CTNNA3: variants seen among roughly 807,000 people sequenced by gnomAD.
CTNNA3 encodes catenin alpha 3, also known as catenin alpha-3.
CTNNA3 carries 76 observed loss-of-function variants against 95.7 expected under a neutral mutation model. The ratio of observed to expected loss-of-function variants is 0.79; its 90% CI spans 0.66 to 0.96. The LOEUF (loss-of-function observed/expected upper bound fraction) is 0.96, where lower values mean the gene tolerates loss of function less well. Ranked by LOEUF, CTNNA3 falls within the 40% of genes least tolerant of loss-of-function variation. The pLI is 0.00. For synonymous variants in CTNNA3, 431 were observed against 374.4 expected, an observed-to-expected ratio of 1.15 and a Z score of -1.74; for missense variants, 1,191 against 1,089.8, an observed-to-expected ratio of 1.09 and a Z score of -1.31.
At chr10:66,797,798 T>A (rs1182456414) in intron 7 of CTNNA3, among the ~76,000 whole-genome samples, 2 of 151,888 alleles carry the variant, frequency 1.3e-5, no homozygotes, top group Admixed American at 6.6e-5. Context: ...CTCAGTCAAT[T>A]TTTTTTTCAG....
In CTNNA3 at chr10:66,226,387, C is replaced by T. The variant is rs537545743; in HGVS notation, c.1884+54083G>A. On this transcript the variant is annotated intron_variant, in intron 13 of 17. Coordinates refer to ENST00000433211, the MANE Select transcript of CTNNA3 (RefSeq NM_013266.4). ...ACATACGTGGATTTATTTCTGGGTT[C>T]TCTATTCTGTTCCATTTGTCTATGT... Among the ~76,000 whole-genome samples the T allele has an allele frequency of 1.2e-4, 19 of 152,150 alleles. 1 individual carries two copies. In the East Asian group the frequency reaches 3.1e-3, roughly 25 times the overall value.
chr10:66,111,679 GT>G (rs1367623298), intron 13 of CTNNA3, among the ~76,000 whole-genome samples: 1 of 152,160 alleles, frequency 6.6e-6, no homozygotes, highest in East Asian at 1.9e-4. Context: ...CTGAAGTTGA[GT>G]GGTTAGAGAT....
intron 5 of CTNNA3, among the ~76,000 whole-genome samples, chr10:67,329,156 G>C (rs1371152927): frequency 1.3e-5 from 2 of 152,180 alleles, no homozygotes; most frequent in Non-Finnish European, 2.9e-5. Context: ...TGGACCGCTT[G>C]AGCTCAGGAG....
At chr10:66,901,041 C>T (rs1845721541) in intron 7 of CTNNA3, among the ~76,000 whole-genome samples, 1 of 152,156 alleles carries the variant, frequency 6.6e-6, no homozygotes, top group Admixed American at 6.5e-5. Context: ...CACAAAGATA[C>T]TCCTCGAGAA....
chr10:66,303,748 C>G (rs1423561448), intron 12 of CTNNA3, among the ~76,000 whole-genome samples: 1 of 152,070 alleles, frequency 6.6e-6, no homozygotes, highest in East Asian at 1.9e-4. Context: ...GATTTGCCAC[C>G]ACGCCTGGCT....
rs1367250081 is a variant in CTNNA3 at position 67,151,170 on chromosome 10, A to C, written c.1047+29147T>G. Among the ~76,000 whole-genome samples the C allele has an allele frequency of 2.0e-5, 3 of 152,326 alleles. No homozygotes were observed. The East Asian group carries it at 5.8e-4, about 29-fold the overall frequency. On this transcript the variant is annotated intron_variant, in intron 7 of 17. Coordinates refer to ENST00000433211, the MANE Select transcript of CTNNA3 (RefSeq NM_013266.4). ...TTGTTTTTCTTATAAGGTGAGAAGA[A>C]AGGCCTTCCTTTGGCTATCTCCCTC...
intron 5 of CTNNA3, among the ~76,000 whole-genome samples, chr10:67,301,287 A>G (rs1271773107): frequency 2.0e-5 from 3 of 152,100 alleles, no homozygotes; most frequent in Non-Finnish European, 2.9e-5. Flanking sequence ...TACAATTATT[A>G]AAAACCACAA....
At chr10:67,118,186 C>T (rs1350721214) in intron 7 of CTNNA3, among the ~76,000 whole-genome samples, 1 of 151,990 alleles carries the variant, frequency 6.6e-6, no homozygotes, top group Non-Finnish European at 1.5e-5. Flanking sequence ...AAAGAATTAT[C>T]TAAATCAATA....
At chr10:67,056,522 TA>T in intron 7 of CTNNA3, among the ~76,000 whole-genome samples, 1 of 152,318 alleles carries the variant, frequency 6.6e-6, no homozygotes, top group Non-Finnish European at 1.5e-5. Context: ...TCTGTATCTG[TA>T]AACACTGTAC....
Position 66,522,957 on chromosome 10 carries a change from T to C in CTNNA3, c.1375-2184A>G, listed in dbSNP as rs1451317664. On this transcript the variant is annotated intron_variant, in intron 10 of 17. Transcript: ENST00000433211. ...CTTAAGTCACTTCCTGTCACCACAT[T>C]ATTGGAGGTAGAAGACGGAAAAAAT... is the stretch of plus-strand genomic sequence containing the variant. Among the ~76,000 whole-genome samples the C allele has an allele frequency of 2.0e-5, 3 of 152,194 alleles. No homozygotes were observed. The East Asian group carries it at 5.8e-4, about 29-fold the overall frequency.
At chr10:66,490,263 C>G (rs868515351) in intron 11 of CTNNA3, among the ~76,000 whole-genome samples, 13 of 152,028 alleles carry the variant, frequency 8.6e-5, no homozygotes, top group Admixed American at 5.9e-4. Context: ...AATATTTTTT[C>G]ATAATATTTT....
intron 5 of CTNNA3, among the ~76,000 whole-genome samples, chr10:67,362,822 T>C (rs1843039202): frequency 6.6e-6 from 1 of 151,826 alleles, no homozygotes; most frequent in Non-Finnish European, 1.5e-5. Flanking sequence ...AAACTCTCTC[T>C]CTTCAGAGAT....
chr10:67,608,221 A>G (rs1490314330), intron 2 of CTNNA3, among the ~76,000 whole-genome samples: 3 of 152,178 alleles, frequency 2.0e-5, no homozygotes, highest in Middle Eastern at 3.2e-3. Context: ...CCACTGTTCT[A>G]TATGATTCAG....
chr10:66,625,055 T>C (rs1255498751), intron 9 of CTNNA3, among the ~76,000 whole-genome samples: 1 of 152,186 alleles, frequency 6.6e-6, no homozygotes, highest in African/African-American at 2.4e-5. Flanking sequence ...TTCATTTTTA[T>C]GAAAGATTAA....
chr10:66,010,393 T>C (rs1373503110), intron 15 of CTNNA3, among the ~76,000 whole-genome samples: 1 of 152,160 alleles, frequency 6.6e-6, no homozygotes, highest in Non-Finnish European at 1.5e-5. Context: ...AAAAGAATTA[T>C]TTTTAGGGGC....
intron 5 of CTNNA3, among the ~76,000 whole-genome samples, chr10:67,375,748 T>C (rs755889711): frequency 6.6e-6 from 1 of 152,200 alleles, no homozygotes; most frequent in Non-Finnish European, 1.5e-5. Context: ...ATGACTATCA[T>C]ATATTAATTA....
intron 12 of CTNNA3, among the ~76,000 whole-genome samples, chr10:66,378,529 G>T (rs1417235884): frequency 1.3e-5 from 2 of 152,122 alleles, no homozygotes; most frequent in African/African-American, 4.8e-5. Flanking sequence ...TAAGTTTCTT[G>T]GAGAAAGGTT....
At chr10:66,381,309 T>A (rs1206721685) in intron 11 of CTNNA3, among the ~76,000 whole-genome samples, 1 of 152,178 alleles carries the variant, frequency 6.6e-6, no homozygotes, top group Non-Finnish European at 1.5e-5. Flanking sequence ...CCTCAGGAAA[T>A]GCATGCTGAC....
chr10:66,706,382 A>G (rs978906019), intron 9 of CTNNA3, among the ~76,000 whole-genome samples: 1 of 149,592 alleles, frequency 6.7e-6, no homozygotes, highest in Non-Finnish European at 1.5e-5. Context: ...ATTGGACCAT[A>G]TGGCCCCACT....
Sources: allele counts gnomAD v4.1 joint callset (sites outside exome capture counted in the v4.1 genomes callset), GRCh38; gene constraint gnomAD v4.1.1; transcripts MANE v1.5; gene names NCBI Gene and HGNC (gene_info 2026-07-23, HGNC 2026-07-21).